SNAP91: variants seen among roughly 807,000 people sequenced by gnomAD.
SNAP91 encodes the protein synaptosome associated protein 91, also known as clathrin coat assembly protein AP180.
Under a neutral mutation model 100.3 loss-of-function variants are expected in SNAP91, and 27 were observed. That is an observed-to-expected ratio of 0.27 (90% confidence interval 0.20 to 0.37). The LOEUF (loss-of-function observed/expected upper bound fraction) is 0.37. SNAP91 is among the 10% of genes least tolerant of loss of function. SNAP91 has a pLI of 1.00. For synonymous variants in SNAP91, 404 were observed against 398.6 expected, an observed-to-expected ratio of 1.01 and a Z score of -0.16; for missense variants, 986 against 1,123.7, an observed-to-expected ratio of 0.88 and a Z score of 1.75.
intron 16 of SNAP91, among the ~76,000 whole-genome samples, chr6:83,599,882 T>C (rs1037124724): frequency 6.6e-6 from 1 of 152,096 alleles, no homozygotes; most frequent in Non-Finnish European, 1.5e-5. Flanking sequence ...CTTCCTGGGC[T>C]CAAGCAATCC....
intron 7 of SNAP91, among the ~76,000 whole-genome samples, chr6:83,642,207 T>C (rs1195385696): frequency 6.6e-6 from 1 of 151,950 alleles, no homozygotes; most frequent in East Asian, 1.9e-4. Flanking sequence ...ATATTTATTA[T>C]ATTTTAAGTT....
At chr6:83,563,828 A>T (rs1051239556) in intron 26 of SNAP91, among the ~76,000 whole-genome samples, 2 of 152,238 alleles carry the variant, frequency 1.3e-5, no homozygotes, top group African/African-American at 2.4e-5. Flanking sequence ...CACTGCAACT[A>T]TAGAACATTG....
At chr6:83,705,996 A>C (rs1209900464) in intron 2 of SNAP91, among the ~76,000 whole-genome samples, 2 of 152,176 alleles carry the variant, frequency 1.3e-5, no homozygotes, top group African/African-American at 4.8e-5. Flanking sequence ...ATAACATGGA[A>C]TCTTCCCCCT....
Position 83,593,174 on chromosome 6 carries a change from G to C in SNAP91, c.1774+8C>G. 1 of 1,579,670 alleles carries C rather than the reference G, an allele frequency of 6.3e-7. No homozygotes were observed. The highest frequency in any genetic ancestry group is 1.2e-5 in the South Asian group (1 of 85,904). ...TAAAGTGAAAAAAAAGGGTTGCTTT[G>C]GTTTTACCTGTACTAAACAGGTCTA... On this transcript the variant is annotated splice_region_variant and intron_variant, in intron 19 of 29. Coordinates refer to ENST00000369694, the MANE Select transcript of SNAP91 (RefSeq NM_001242792.2).
intron 2 of SNAP91, chr6:83,686,931 A>G (rs749640831): frequency 5.3e-5 from 8 of 152,210 alleles, no homozygotes; most frequent in Non-Finnish European, 1.2e-4. Flanking sequence ...GATGGGCCTG[A>G]AAGTTATGCT....
At chr6:83,624,907 T>G (rs529580145) in intron 8 of SNAP91, among the ~76,000 whole-genome samples, 1 of 152,230 alleles carries the variant, frequency 6.6e-6, no homozygotes, top group African/African-American at 2.4e-5. Flanking sequence ...CATTTTTATT[T>G]CAGATTCAGG....
At chr6:83,580,825 A>G (rs1373577192) in intron 23 of SNAP91, among the ~76,000 whole-genome samples, 1 of 152,214 alleles carries the variant, frequency 6.6e-6, no homozygotes, top group Non-Finnish European at 1.5e-5. Context: ...CAAGGATGGA[A>G]AAAAATCTGT....
chr6:83,580,569 G>A lies in SNAP91; in HGVS notation c.2180C>T (p.Pro727Leu). 1 of 1,612,696 alleles carries A rather than the reference G, an allele frequency of 6.2e-7. No homozygotes were observed. Among genetic ancestry groups the A allele is most frequent in the Non-Finnish European group, 8.5e-7 (1 of 1,179,464 alleles). ...VFDGLGDLLM[P>L]TMAPAGQPAP... ...AGGCTGCCCAGCTGGTGCCATGGTTGGCATCAAAAGATCACCTAGACCATC... is the reference window on the plus strand; with the variant it reads ...AGGCTGCCCAGCTGGTGCCATGGTTAGCATCAAAAGATCACCTAGACCATC... The change falls in exon 24 of 30, where the codon CCA becomes CTA. Residue 727 changes from proline (P) to leucine (L), a missense_variant. Physicochemically the swap from Pro to Leu is moderately conservative, Grantham distance 98. Coordinates refer to ENST00000369694, the MANE Select transcript of SNAP91 (RefSeq NM_001242792.2).
At chr6:83,595,337 G>A (rs2094335230) in intron 16 of SNAP91, among the ~76,000 whole-genome samples, 1 of 151,930 alleles carries the variant, frequency 6.6e-6, no homozygotes, top group Non-Finnish European at 1.5e-5. Flanking sequence ...ATTTTCAACA[G>A]GTTAAAACAA....
chr6:83,645,608 A>G lies in SNAP91; in HGVS notation c.659-4406T>C, dbSNP rs1466296711. ...ATGCTTATAATCCCAGTACTGTGGG[A>G]GGCTGAGGTGGGAAGACTGCTTGAA... On this transcript the variant is annotated intron_variant, in intron 7 of 29. Coordinates refer to ENST00000369694, the MANE Select transcript of SNAP91 (RefSeq NM_001242792.2). Among the ~76,000 whole-genome samples the G allele has an allele frequency of 3.3e-5, 5 of 152,170 alleles. No individual in the cohort carries two copies. In the East Asian group the frequency reaches 9.6e-4, roughly 29 times the overall value.
In SNAP91 at chr6:83,583,307, T is replaced by A. The variant is rs531418014; in HGVS notation, c.2015-951A>T. Among the ~76,000 whole-genome samples the A allele has an allele frequency of 3.9e-5, 6 of 152,310 alleles. No homozygotes were observed. In the East Asian group the frequency reaches 9.6e-4, roughly 24 times the overall value. ...GCCCCGACTCCAACCCCAGATGGCT[T>A]TTTGAGGCCAGGAACTGTGTCTTCT... On this transcript the variant is annotated intron_variant, in intron 22 of 29. Coordinates refer to ENST00000369694, the MANE Select transcript of SNAP91 (RefSeq NM_001242792.2).
At position 83,580,448 on chromosome 6, in the gene SNAP91, A is replaced by G; in HGVS notation, c.2299+2T>C. 6.3e-7 allele frequency: 1 copy of G among 1,592,932 alleles called. No individual in the cohort carries two copies. The highest frequency in any genetic ancestry group is 8.5e-7 in the Non-Finnish European group (1 of 1,173,462). On this transcript the variant is annotated splice_donor_variant, in intron 24 of 29. Coordinates refer to ENST00000369694, the MANE Select transcript of SNAP91 (RefSeq NM_001242792.2). LOFTEE classifies it high-confidence loss of function. ...AAAAAAAAAAAAAACTAGATTACTCACTGCCTACTAAGCTGGCAAGAGATG... is the reference window on the plus strand; with the variant it reads ...AAAAAAAAAAAAAACTAGATTACTCGCTGCCTACTAAGCTGGCAAGAGATG...
chr6:83,694,964 A>C (rs2099178476), intron 2 of SNAP91, among the ~76,000 whole-genome samples: 1 of 152,116 alleles, frequency 6.6e-6, no homozygotes, highest in Admixed American at 6.6e-5. Flanking sequence ...GGGCGTACAC[A>C]TACTTTAAAA....
rs2098542526 is a variant in SNAP91 at position 83,661,482 on chromosome 6, T to C, written c.452+20A>G. 3.4e-6 allele frequency: 5 copies of C among 1,456,214 alleles called. No individual in the cohort carries two copies. The highest frequency in any genetic ancestry group is 3.8e-6 in the Non-Finnish European group (4 of 1,051,118). 90.2% of individuals were successfully genotyped at this position (1,456,214 alleles called of 1,614,324 possible). On this transcript the variant is annotated intron_variant, in intron 5 of 29. Coordinates refer to ENST00000369694, the MANE Select transcript of SNAP91 (RefSeq NM_001242792.2). ...AAGACTTATTCTCCTCTAATAAATATAAGAAAGACAAAAACATACCCTTTC... is the reference window on the plus strand; with the variant it reads ...AAGACTTATTCTCCTCTAATAAATACAAGAAAGACAAAAACATACCCTTTC...
chr6:83,574,618 T>C (rs892597655), intron 26 of SNAP91, among the ~76,000 whole-genome samples: 5 of 152,226 alleles, frequency 3.3e-5, no homozygotes, highest in African/African-American at 1.2e-4. Context: ...ATCAATGACA[T>C]TAAGTGCTTT....
intron 2 of SNAP91, among the ~76,000 whole-genome samples, chr6:83,695,038 G>A (rs567002047): frequency 1.0e-3 from 155 of 152,132 alleles, no homozygotes; most frequent in African/African-American, 3.4e-3. Context: ...TTGGGAGGCC[G>A]AGGTGGGCGG....
At chr6:83,673,108 A>T (rs2098810971) in intron 2 of SNAP91, among the ~76,000 whole-genome samples, 1 of 152,200 alleles carries the variant, frequency 6.6e-6, no homozygotes, top group South Asian at 2.1e-4. Flanking sequence ...CACATGGACA[A>T]GCTTATATAT....
At chr6:83,658,396 T>C (rs1586067911) in intron 6 of SNAP91, among the ~76,000 whole-genome samples, 1 of 151,956 alleles carries the variant, frequency 6.6e-6, no homozygotes, top group Non-Finnish European at 1.5e-5. Context: ...GATCATGAGG[T>C]AAGGAGATCG....
intron 27 of SNAP91, 71 bp downstream of exon 27, chr6:83,560,793 C>T: frequency 7.9e-7 from 1 of 1,269,914 alleles, no homozygotes; most frequent in South Asian, 1.2e-5. Context: ...TGTAGGAATA[C>T]TTAGTAATTT....
Sources: allele counts gnomAD v4.1 joint callset (sites outside exome capture counted in the v4.1 genomes callset), GRCh38; gene constraint gnomAD v4.1.1; transcripts MANE v1.5; gene names NCBI Gene and HGNC (gene_info 2026-07-23, HGNC 2026-07-21).